Variants in NADSYN1 observed in about 807,000 individuals in gnomAD.
NADSYN1 encodes the protein NAD synthetase 1.
In NADSYN1, 80 loss-of-function variants were observed where a neutral mutation model predicts 99.3. The ratio of observed to expected loss-of-function variants is 0.81; its 90% CI spans 0.67 to 0.97. The LOEUF is 0.97. Ranked by LOEUF, NADSYN1 falls within the 50% of genes least tolerant of loss-of-function variation. The pLI, the probability that NADSYN1 is intolerant of heterozygous loss-of-function variation, is 0.00. For synonymous variants in NADSYN1, 385 were observed against 372.1 expected (o/e 1.03, Z -0.40); for missense variants, 859 against 948.5 (o/e 0.91, Z 1.24).
intron 9 of NADSYN1, chr11:71,474,819 T>A: frequency 2.5e-6 from 1 of 404,472 alleles, no homozygotes; most frequent in South Asian, 2.1e-5. Flanking sequence ...CAAATTTACC[T>A]GGTTGGTGAG....
chr11:71,483,490 T>C (rs4414250), intron 14 of NADSYN1, among the ~76,000 whole-genome samples: 152,304 of 152,310 alleles, frequency 1, 76,149 homozygotes, highest in Middle Eastern at 1. Flanking sequence ...TCTCTTCCCC[T>C]GCCCTCACTG....
Position 71,464,093 on chromosome 11 carries a change from G to C in NADSYN1, c.358G>C (p.Glu120Gln). Residue 120 changes from glutamate to glutamine, a missense_variant, in exon 5 of 21, where the codon GAA becomes CAA. By Grantham distance (29) the Glu-to-Gln change is conservative. Transcript: ENST00000319023. Reference sequence around the variant, plus strand: ...CAGACCCAAGATGGCCTTGGCCAATGAAGGCAACTACCGCGAGCTGCGCTG... The same window carrying C: ...CAGACCCAAGATGGCCTTGGCCAATCAAGGCAACTACCGCGAGCTGCGCTG... ...LIRPKMALAN[E>Q]GNYRELRWFT... The C allele has an allele frequency of 6.2e-7, 1 of 1,612,746 alleles. No individual in the cohort carries two copies. Among genetic ancestry groups the C allele is most frequent in the Non-Finnish European group, 8.5e-7 (1 of 1,179,512 alleles).
chr11:71,458,541 G>A lies in NADSYN1; in HGVS notation c.260G>A (p.Gly87Glu). The change falls in exon 3 of 21, where the codon GGG becomes GAG. Residue 87 changes from glycine (G) to glutamate (E), a missense_variant. Coordinates refer to ENST00000319023, the MANE Select transcript of NADSYN1 (RefSeq NM_018161.5). ...ACTCAGGACATCATCTGCGACGTGG[G>A]GATGTAAGTGCCAGTGTGAGTGTGG... ...PVTQDIICDVGMPVMHRNVRY... is the reference protein window; with the variant it reads ...PVTQDIICDVEMPVMHRNVRY... 1 of 1,600,154 alleles carries A rather than the reference G, an allele frequency of 6.2e-7. No individual in the cohort carries two copies. Among genetic ancestry groups the A allele is most frequent in the Non-Finnish European group, 8.6e-7 (1 of 1,166,962 alleles).
At chr11:71,453,518 G>GATAC in intron 1 of NADSYN1, 137 bp downstream of exon 1, 2 of 745,556 alleles carry the variant, frequency 2.7e-6, no homozygotes, top group Non-Finnish European at 2.2e-6. Context: ...GTGAGATAAT[G>GATAC]GGCAATGACC....
intron 20 of NADSYN1, among the ~76,000 whole-genome samples, chr11:71,500,416 T>C (rs894624561): frequency 3.5e-4 from 53 of 152,082 alleles, no homozygotes; most frequent in African/African-American, 1.3e-3. Flanking sequence ...TGACTGGAGA[T>C]GATTTTGGTT....
chr11:71,492,709 A>G (rs1003054651), intron 18 of NADSYN1, among the ~76,000 whole-genome samples: 16 of 152,070 alleles, frequency 1.1e-4, no homozygotes, highest in Non-Finnish European at 7.3e-5. Flanking sequence ...CATCCATATG[A>G]ATTTTGAGAT....
intron 9 of NADSYN1, among the ~76,000 whole-genome samples, chr11:71,478,191 A>G (rs113439376): frequency 2.6e-5 from 4 of 152,244 alleles, no homozygotes; most frequent in East Asian, 1.9e-4. Flanking sequence ...TGTCTGAATG[A>G]AGTGGAGGTT....
chr11:71,492,732 C>CT (rs1271894015), intron 18 of NADSYN1, among the ~76,000 whole-genome samples: 1 of 152,138 alleles, frequency 6.6e-6, no homozygotes, highest in African/African-American at 2.4e-5. Flanking sequence ...GCTTGTCAAT[C>CT]TCTGGAGAAA....
At chr11:71,478,327 G>C in intron 9 of NADSYN1, 68 bp from the exon 10 acceptor site, 2 of 1,343,238 alleles carry the variant, frequency 1.5e-6, no homozygotes, top group East Asian at 5.0e-5. Flanking sequence ...CTTTGACAGT[G>C]GCCAAATTAC....
intron 16 of NADSYN1, among the ~76,000 whole-genome samples, chr11:71,488,294 C>G (rs557617145): frequency 2.0e-5 from 3 of 151,294 alleles, no homozygotes; most frequent in East Asian, 2.0e-4. Flanking sequence ...AAACGTCCGC[C>G]GAGAGAGCTC....
intron 2 of NADSYN1, chr11:71,455,542 G>A (rs1949507758): frequency 4.3e-6 from 1 of 230,830 alleles, no homozygotes; most frequent in African/African-American, 2.3e-5. Context: ...CCTTTGGCAG[G>A]TGATTGGGTC....
chr11:71,482,822 C>T (rs1263197229), intron 13 of NADSYN1, 27 bp from the exon 14 acceptor site: 4 of 1,610,008 alleles, frequency 2.5e-6, no homozygotes, highest in East Asian at 2.2e-5. Context: ...AGGTGACTTC[C>T]ACCCATTCTG....
intron 5 of NADSYN1, among the ~76,000 whole-genome samples, chr11:71,466,246 G>A (rs1288261308): frequency 2.0e-5 from 3 of 152,078 alleles, no homozygotes; most frequent in East Asian, 1.9e-4. Flanking sequence ...AAAAAAAAGC[G>A]CCATCTTTTG....
chr11:71,473,735 C>A, intron 8 of NADSYN1, 49 bp downstream of exon 8: 1 of 1,330,320 alleles, frequency 7.5e-7, no homozygotes, highest in South Asian at 1.2e-5. Flanking sequence ...CACTGTATCT[C>A]AAGAACTCCT....
intron 16 of NADSYN1, among the ~76,000 whole-genome samples, chr11:71,487,830 C>CAAAAAAAAAAAAAAAA (rs71049984): frequency 1.2e-5 from 1 of 80,098 alleles, no homozygotes; most frequent in Non-Finnish European, 2.4e-5. Flanking sequence ...GACTCCGTCT[C>CAAAAAAAAAAAAAAAA]AAAAAAAAAA....
rs1401241201 is a variant in NADSYN1 at position 71,473,313 on chromosome 11, A to G, written c.495A>G (p.Thr165=). ...TVPFGDAVLV[T]WDTCIGSEIC... ...CCTTCGGAGATGCGGTGCTGGTGAC[A>G]TGGGACACCTGCATTGGAAGTGAGA... Residue 165 remains threonine (T), a synonymous_variant, in exon 7 of 21, where the codon ACA becomes ACG. Coordinates refer to ENST00000319023, the MANE Select transcript of NADSYN1 (RefSeq NM_018161.5). The G allele has an allele frequency of 5.0e-6, 8 of 1,614,106 alleles. No individual in the cohort carries two copies. In the African/African-American group the frequency reaches 6.7e-5, roughly 13 times the overall value.
At chr11:71,486,319 C>T (rs1422644988) in intron 16 of NADSYN1, among the ~76,000 whole-genome samples, 3 of 152,186 alleles carry the variant, frequency 2.0e-5, no homozygotes, top group African/African-American at 7.2e-5. Flanking sequence ...ATCCATCTAT[C>T]CACCCATCCA....
intron 1 of NADSYN1, 148 bp downstream of exon 1, chr11:71,453,529 C>G: frequency 1.4e-6 from 1 of 695,170 alleles, no homozygotes; most frequent in Admixed American, 2.6e-5. Flanking sequence ...GGCAATGACC[C>G]CGCCAGTGGT....
intron 6 of NADSYN1, among the ~76,000 whole-genome samples, chr11:71,472,723 C>T (rs1023058291): frequency 6.6e-6 from 1 of 152,226 alleles, no homozygotes; most frequent in African/African-American, 2.4e-5. Context: ...TGCTTTTCCT[C>T]CCTTCCCCCA....
Sources: gnomAD v4.1 joint callset for allele counts (sites outside exome capture counted in the v4.1 genomes callset) on GRCh38, gnomAD v4.1.1 for gene constraint, MANE v1.5 for transcripts, NCBI Gene and HGNC (gene_info 2026-07-23, HGNC 2026-07-21) for gene names.